Variants in DNAH12 observed in about 807,000 individuals in gnomAD.
The protein encoded by DNAH12 is axonemal beta dynein heavy chain 12.
DNAH12 carries 285 observed loss-of-function variants against 371.5 expected under a neutral mutation model. The ratio of observed to expected loss-of-function variants is 0.77; its 90% confidence interval spans 0.70 to 0.85. DNAH12 has a LOEUF of 0.85. Among genes scored for constraint, DNAH12 ranks in the 40% least tolerant of loss-of-function variants. The pLI is 0.00. For synonymous variants in DNAH12, 1,200 were observed against 1,213.0 expected, an observed-to-expected ratio of 0.99 and a Z score of 0.22; for missense variants, 3,611 against 3,689.4, an observed-to-expected ratio of 0.98 and a Z score of 0.55.
chr3:57,363,448 A>G (rs1429861419), intron 58 of DNAH12, 146 bp downstream of exon 58: 3 of 152,248 alleles, frequency 2.0e-5, no homozygotes, highest in East Asian at 3.9e-4. Context: ...GTTTAAATTT[A>G]TGTTTTGGTA....
In DNAH12 at chr3:57,404,950, C is replaced by G; in HGVS notation, c.6755+19G>C. 1 of 1,463,154 alleles carries G rather than the reference C, an allele frequency of 6.8e-7. No individual in the cohort carries two copies. The highest frequency in any genetic ancestry group is 1.5e-5 in the South Asian group (1 of 66,968). The allele number at this position is 1,463,154 out of a possible 1,614,324, so 90.6% of individuals were successfully genotyped here. On this transcript the variant is annotated intron_variant, in intron 42 of 73. Transcript: ENST00000495027. ...TTTTACAGATAGCAATTTCAAGCAT[C>G]AACACCATATATAGGTACCTAAAAA...
chr3:57,549,697 C>T, the DNAH12 span, among the ~76,000 whole-genome samples: 3 of 151,936 alleles, frequency 2.0e-5, no homozygotes, highest in Non-Finnish European at 4.4e-5. Flanking sequence ...AATCTCAGCT[C>T]ACTGCGACTT....
intron 4 of DNAH12, among the ~76,000 whole-genome samples, chr3:57,513,911 T>C (rs1486896802): frequency 6.6e-6 from 1 of 152,144 alleles, no homozygotes; most frequent in African/African-American, 2.4e-5. Flanking sequence ...AAGTCCCACT[T>C]AGAGAAATTA....
chr3:57,417,401 C>T (rs1376328956), intron 37 of DNAH12, among the ~76,000 whole-genome samples: 2 of 152,118 alleles, frequency 1.3e-5, no homozygotes, highest in African/African-American at 2.4e-5. Flanking sequence ...AATTAAAGTT[C>T]TTTTAGAAAC....
intron 37 of DNAH12, among the ~76,000 whole-genome samples, chr3:57,416,774 T>C (rs1292032045): frequency 6.6e-6 from 1 of 152,110 alleles, no homozygotes; most frequent in Non-Finnish European, 1.5e-5. Context: ...GAATTCCCCA[T>C]TCAGTGAATG....
chr3:57,427,138 A>ATGTGTGTGTGTGTGTGTGTGTGTGTG (rs71088070), intron 34 of DNAH12, among the ~76,000 whole-genome samples: 5 of 138,872 alleles, frequency 3.6e-5, no homozygotes, highest in African/African-American at 1.1e-4. Flanking sequence ...TAAGAAGCGA[A>ATGTGTGTGTGTGTGTGTGTGTGTGTG]TGTGTGTGTG....
chr3:57,414,243 A>T (rs900893026), intron 38 of DNAH12, among the ~76,000 whole-genome samples: 12 of 152,182 alleles, frequency 7.9e-5, no homozygotes, highest in African/African-American at 2.7e-4. Flanking sequence ...TGCACTCACA[A>T]TTGTTACACA....
At chr3:57,389,223 G>T (rs2063558726) in intron 45 of DNAH12, among the ~76,000 whole-genome samples, 1 of 132,856 alleles carries the variant, frequency 7.5e-6, no homozygotes, top group Non-Finnish European at 1.6e-5. Flanking sequence ...TAAAAAGCAG[G>T]TCCACAGGAA....
rs528220827 is a variant in DNAH12, at chr3:57,340,800, A to G, written c.9675-5860T>C. Among the ~76,000 whole-genome samples, 107 of 152,338 alleles carry G rather than the reference A, an allele frequency of 7.0e-4. 2 individuals are homozygous for G. The South Asian group carries it at 0.022, about 31-fold the overall frequency. On this transcript the variant is annotated intron_variant, in intron 60 of 73. Coordinates refer to ENST00000495027, the MANE Select transcript of DNAH12 (RefSeq NM_001366028.2). The stretch of plus-strand genomic sequence containing the variant: ...AAGGGGAGGGAATTCTTCCAAACCC[A>G]TTTTACAAGGCCAGCATAACCCTGA...
chr3:57,555,094 A>G, the DNAH12 span, among the ~76,000 whole-genome samples: 1 of 151,886 alleles, frequency 6.6e-6, no homozygotes, highest in East Asian at 2.0e-4. Context: ...AAATACAAAA[A>G]TTAGCTGGGC....
At chr3:57,374,761 G>GA (rs2063246759) in intron 55 of DNAH12, among the ~76,000 whole-genome samples, 1 of 98,248 alleles carries the variant, frequency 1.0e-5, no homozygotes, top group Non-Finnish European at 2.7e-5. Context: ...ATAAATCTCA[G>GA]AAAAAAATAT....
chr3:57,528,660 AG>A (rs2068733333), intron 2 of DNAH12, among the ~76,000 whole-genome samples: 4 of 149,236 alleles, frequency 2.7e-5, no homozygotes, highest in Non-Finnish European at 5.9e-5. Context: ...CGGGAGGCGG[AG>A]GTTGCGGTGA....
intron 25 of DNAH12, among the ~76,000 whole-genome samples, chr3:57,449,447 G>A (rs1210021562): frequency 1.3e-5 from 2 of 152,196 alleles, no homozygotes; most frequent in Non-Finnish European, 2.9e-5. Context: ...TGGAGTGGGT[G>A]GGAGGCTCAG....
intron 65 of DNAH12, among the ~76,000 whole-genome samples, chr3:57,314,997 A>G (rs2061656570): frequency 6.6e-6 from 1 of 152,218 alleles, no homozygotes; most frequent in African/African-American, 2.4e-5. Flanking sequence ...CTGTAAGTGC[A>G]GGGGAATGAT....
intron 60 of DNAH12, among the ~76,000 whole-genome samples, chr3:57,348,168 T>A (rs1553658794): frequency 6.6e-6 from 1 of 152,120 alleles, no homozygotes; most frequent in East Asian, 1.9e-4. Flanking sequence ...AACAATGGAA[T>A]ATAATTCAGC....
At chr3:57,430,097 G>T (rs908939248) in intron 32 of DNAH12, among the ~76,000 whole-genome samples, 1 of 151,984 alleles carries the variant, frequency 6.6e-6, no homozygotes, top group East Asian at 1.9e-4. Context: ...AAAATTAAGT[G>T]AAATACTCCT....
At chr3:57,308,564 TC>T (rs1185360289) in intron 69 of DNAH12, among the ~76,000 whole-genome samples, 1 of 152,122 alleles carries the variant, frequency 6.6e-6, no homozygotes, top group African/African-American at 2.4e-5. Context: ...AAACTTGTCA[TC>T]CCTGCTATCT....
At chr3:57,517,056 G>C (rs1391941572) in intron 4 of DNAH12, among the ~76,000 whole-genome samples, 1 of 152,024 alleles carries the variant, frequency 6.6e-6, no homozygotes, top group East Asian at 1.9e-4. Context: ...TGTTCCCTCT[G>C]TTGGGAAATT....
intron 29 of DNAH12, among the ~76,000 whole-genome samples, chr3:57,443,901 GAAAAT>G (rs759258933): frequency 1.2e-4 from 18 of 152,048 alleles, no homozygotes; most frequent in Non-Finnish European, 2.5e-4. Flanking sequence ...TCACAAGATA[GAAAAT>G]AAAATATTTT....
Sources: allele counts gnomAD v4.1 joint callset (sites outside exome capture counted in the v4.1 genomes callset), GRCh38; gene constraint gnomAD v4.1.1; transcripts MANE v1.5; gene names NCBI Gene and HGNC (gene_info 2026-07-23, HGNC 2026-07-21).